The following CNTRL variants were observed in gnomAD, a reference collection of about 807,000 sequenced individuals.
CNTRL encodes the protein centriolin.
CNTRL carries 233 observed loss-of-function variants against 303.7 expected under a neutral mutation model. That is an observed-to-expected ratio of 0.77 (90% CI 0.69 to 0.86). The LOEUF is 0.86. CNTRL is among the 40% of genes least tolerant of loss of function. The probability of loss-of-function intolerance (pLI) is 0.00; values close to 1 mark genes in which losing one functional copy is unlikely to be tolerated. For synonymous variants in CNTRL, 900 were observed against 922.2 expected (o/e 0.98, Z 0.44); for missense variants, 2,524 against 2,650.6 (o/e 0.95, Z 1.05).
At chr9:121,096,031 A>G (rs1034721726) in intron 5 of CNTRL, among the ~76,000 whole-genome samples, 8 of 152,226 alleles carry the variant, frequency 5.3e-5, no homozygotes, top group Non-Finnish European at 1.2e-4. Context: ...AACTTAAGAC[A>G]ATAATTAGGA....
intron 7 of CNTRL, 116 bp downstream of exon 7, chr9:121,098,688 G>A (rs1588094308): frequency 1.7e-5 from 12 of 718,990 alleles, no homozygotes; most frequent in Non-Finnish European, 2.2e-5. Flanking sequence ...CATGGGAAAT[G>A]GCAGCATAAA....
intron 24 of CNTRL, 114 bp downstream of exon 24, chr9:121,148,975 C>A: frequency 2.2e-6 from 2 of 918,698 alleles, no homozygotes; most frequent in African/African-American, 3.3e-5. Context: ...TCCATGAGGT[C>A]TTCTGTGATC....
chr9:121,099,565 G>C (rs542321569), intron 7 of CNTRL, among the ~76,000 whole-genome samples: 1 of 152,312 alleles, frequency 6.6e-6, no homozygotes, highest in South Asian at 2.1e-4. Flanking sequence ...ACTTTAACGA[G>C]TTGAAAGAAG....
intron 19 of CNTRL, 78 bp downstream of exon 19, chr9:121,142,348 A>G (rs962650636): frequency 1.5e-6 from 2 of 1,307,360 alleles, no homozygotes; most frequent in African/African-American, 3.0e-5. Flanking sequence ...GTCAGCTGAG[A>G]TGGGTGTGAT....
chr9:121,165,210 A>T, intron 35 of CNTRL, 110 bp downstream of exon 35: 2 of 1,082,626 alleles, frequency 1.8e-6, no homozygotes, highest in South Asian at 3.6e-5. Flanking sequence ...GTTTCTTTCT[A>T]AAATTAGATT....
At chr9:121,135,305 A>G (rs190298714) in intron 14 of CNTRL, among the ~76,000 whole-genome samples, 3 of 152,292 alleles carry the variant, frequency 2.0e-5, no homozygotes, top group African/African-American at 4.8e-5. Flanking sequence ...GGAGTCGGAG[A>G]TCTACATTTG....
intron 18 of CNTRL, 142 bp from the exon 19 acceptor site, chr9:121,141,949 A>G: frequency 1.5e-6 from 1 of 679,094 alleles, no homozygotes; most frequent in Non-Finnish European, 2.5e-6. Flanking sequence ...ATCGTTCAAG[A>G]TAAAACCATT....
Position 121,171,398 on chromosome 9 carries a change from C to T in CNTRL, c.6277-10C>T, listed in dbSNP as rs2053297759. 6 of 1,613,760 alleles carry T rather than the reference C, an allele frequency of 3.7e-6. No individual in the cohort carries two copies. The highest frequency in any genetic ancestry group is 1.3e-5 in the African/African-American group (1 of 75,030). On this transcript the variant is annotated splice_polypyrimidine_tract_variant and intron_variant, in intron 39 of 43. Transcript: ENST00000373855. ...TAGATCGCAGAGTTATTTTCTTCCT[C>T]CTGTGCTAGGAGCAAAAACAGGAGA... is the stretch of plus-strand genomic sequence containing the variant.
At position 121,090,300 on chromosome 9, in the gene CNTRL, A is replaced by G. The variant is rs764107634; in HGVS notation, c.243A>G (p.Arg81=). The part of the protein sequence containing the change: ...HKGADSHAGV[R]YITEALIKKL... ...GAGCTGATTCACATGCAGGAGTTAG[A>G]TATATTACAGAGGCCCTCATTAAAA... is the stretch of plus-strand genomic sequence containing the variant. The change falls in exon 4 of 44, where the codon AGA becomes AGG. Residue 81 remains arginine, a synonymous_variant. Transcript: ENST00000373855. The G allele has an allele frequency of 1.4e-5, 23 of 1,610,790 alleles. No homozygotes were observed. The highest frequency in any genetic ancestry group is 1.3e-4 in the Admixed American group (8 of 59,602).
At chr9:121,081,944 G>GC (rs2048157142) in intron 2 of CNTRL, among the ~76,000 whole-genome samples, 4 of 152,130 alleles carry the variant, frequency 2.6e-5, no homozygotes, top group Admixed American at 2.6e-4. Flanking sequence ...CTGGTGACTG[G>GC]CCCCCATCCC....
chr9:121,092,925 G>A (rs1000473149), intron 4 of CNTRL, among the ~76,000 whole-genome samples: 3 of 146,832 alleles, frequency 2.0e-5, no homozygotes, highest in African/African-American at 7.7e-5. Context: ...TCCTGCCTTA[G>A]CCTCCTGAGT....
At chr9:121,142,608 A>G (rs1025392425) in intron 19 of CNTRL, among the ~76,000 whole-genome samples, 1 of 152,216 alleles carries the variant, frequency 6.6e-6, no homozygotes, top group Non-Finnish European at 1.5e-5. Flanking sequence ...TAAACTCCTC[A>G]TCATCCTTTC....
chr9:121,148,473 A>G (rs2052012015), intron 23 of CNTRL, among the ~76,000 whole-genome samples, 199 bp from the exon 24 acceptor site: 1 of 152,204 alleles, frequency 6.6e-6, no homozygotes, highest in Admixed American at 6.5e-5. Context: ...GAGGGATGTT[A>G]ATAAGCTGAA....
At chr9:121,114,390 C>T (rs894132645) in intron 10 of CNTRL, among the ~76,000 whole-genome samples, 12 of 152,146 alleles carry the variant, frequency 7.9e-5, no homozygotes, top group Admixed American at 4.6e-4. Flanking sequence ...GTCAGACCAG[C>T]GGCTTATCTT....
chr9:121,144,106 G>T, intron 20 of CNTRL, 24 bp downstream of exon 20: 1 of 1,553,238 alleles, frequency 6.4e-7, no homozygotes, highest in South Asian at 1.2e-5. Flanking sequence ...TACAGAACAG[G>T]TTTCCATCAA....
chr9:121,127,708 A>G (rs2050608847), intron 14 of CNTRL, among the ~76,000 whole-genome samples: 1 of 152,102 alleles, frequency 6.6e-6, no homozygotes, highest in East Asian at 1.9e-4. Flanking sequence ...GATTTGTTAC[A>G]TAGGTATACA....
At chr9:121,112,380 T>C in intron 8 of CNTRL, 79 bp from the exon 9 acceptor site, 1 of 1,312,978 alleles carries the variant, frequency 7.6e-7, no homozygotes. Context: ...TAACTTACGA[T>C]GAGAACTTAC....
Position 121,160,164 on chromosome 9 carries a change from G to T in CNTRL, c.4951G>T (p.Glu1651Ter). The change falls in exon 32 of 44, where the codon GAA becomes TAA. Residue 1651 changes from glutamate (E) to a stop codon, truncating the protein, a stop_gained. Coordinates refer to ENST00000373855, the MANE Select transcript of CNTRL (RefSeq NM_007018.6). LOFTEE classifies it high-confidence loss of function. ...ACAGGAAGTAAAATCTCTTCTGGAA[G>T]AACTGAGTTTTCAGAAAGGAGAACT... ...HIREVKSLLE[E>*]LSFQKGELNV... 1 of 1,495,260 alleles carries T rather than the reference G, an allele frequency of 6.7e-7. No homozygotes were observed. Among genetic ancestry groups the T allele is most frequent in the South Asian group, 1.5e-5 (1 of 68,744 alleles). 92.6% of individuals were successfully genotyped at this position (1,495,260 alleles called of 1,614,324 possible). A position where few individuals can be genotyped will look rare whatever the true frequency, so the allele number is the denominator to read the frequency against.
chr9:121,113,551 C>A lies in CNTRL; in HGVS notation c.1172C>A (p.Ser391Tyr). ...APDESPYIGK[S>Y]RYKRNMFATE... is the part of the protein sequence containing the mutation. Reference sequence around the variant, plus strand: ...GATGAAAGCCCTTACATTGGCAAATCCAGATACAAGAGAAATATGTTTGCC... The same window carrying A: ...GATGAAAGCCCTTACATTGGCAAATACAGATACAAGAGAAATATGTTTGCC... The change falls in exon 10 of 44, where the codon TCC becomes TAC. Residue 391 changes from serine to tyrosine, a missense_variant. Coordinates refer to ENST00000373855, the MANE Select transcript of CNTRL (RefSeq NM_007018.6). 1.9e-6 allele frequency: 3 copies of A among 1,605,622 alleles called. No homozygotes were observed. Among genetic ancestry groups the A allele is most frequent in the Non-Finnish European group, 2.5e-6 (3 of 1,177,464 alleles).
Sources: gnomAD v4.1 joint callset for allele counts (sites outside exome capture counted in the v4.1 genomes callset) on GRCh38, gnomAD v4.1.1 for gene constraint, MANE v1.5 for transcripts, NCBI Gene and HGNC (gene_info 2026-07-23, HGNC 2026-07-21) for gene names.